The following NRXN3 variants were observed in gnomAD, a reference collection of about 807,000 sequenced individuals.
NRXN3 encodes the protein neurexin III.
In NRXN3, 32 loss-of-function variants were observed where a neutral mutation model predicts 137.6. The ratio of observed to expected loss-of-function variants is 0.23; its 90% confidence interval spans 0.18 to 0.31. NRXN3 has a LOEUF of 0.31. Ranked by LOEUF, NRXN3 falls within the 10% of genes least tolerant of loss-of-function variation. The pLI, the probability that NRXN3 is intolerant of heterozygous loss-of-function variation, is 1.00. For synonymous variants in NRXN3, 798 were observed against 784.5 expected, an observed-to-expected ratio of 1.02 and a Z score of -0.29; for missense variants, 1,574 against 2,062.5, an observed-to-expected ratio of 0.76 and a Z score of 4.59.
intron 19 of NRXN3, among the ~76,000 whole-genome samples, chr14:79,781,053 T>A (rs1194070382): frequency 2.0e-5 from 3 of 150,770 alleles, no homozygotes; most frequent in Non-Finnish European, 3.0e-5. Flanking sequence ...TTTTTTTTTT[T>A]AAATAATTAA....
At chr14:78,465,329 G>A (rs750617521) in intron 4 of NRXN3, among the ~76,000 whole-genome samples, 13 of 152,096 alleles carry the variant, frequency 8.5e-5, no homozygotes, top group Non-Finnish European at 1.5e-4. Flanking sequence ...AGATGGATTG[G>A]AATCAGAGCC....
At chr14:79,569,899 G>A (rs1453898415) in intron 16 of NRXN3, among the ~76,000 whole-genome samples, 2 of 152,104 alleles carry the variant, frequency 1.3e-5, no homozygotes, top group Admixed American at 6.6e-5. Context: ...GTGAGCCACT[G>A]TGCCTGGCCA....
At chr14:79,740,177 A>G (rs1291144959) in intron 19 of NRXN3, among the ~76,000 whole-genome samples, 4 of 152,026 alleles carry the variant, frequency 2.6e-5, no homozygotes, top group African/African-American at 9.7e-5. Context: ...CAGTCAACTG[A>G]CAGTACCAAT....
At chr14:78,718,700 T>C (rs28624283) in intron 8 of NRXN3, among the ~76,000 whole-genome samples, 1,610 of 152,326 alleles carry the variant, frequency 0.011, 16 homozygotes, top group East Asian at 0.06. Flanking sequence ...TTGATTGATA[T>C]TGTATTTAGA....
At chr14:78,618,572 T>C (rs2152493108) in intron 4 of NRXN3, among the ~76,000 whole-genome samples, 1 of 152,318 alleles carries the variant, frequency 6.6e-6, no homozygotes, top group South Asian at 2.1e-4. Flanking sequence ...ATGCTGACTC[T>C]GGAAGTGCAC....
chr14:79,432,223 T>G (rs1182301513), intron 15 of NRXN3, among the ~76,000 whole-genome samples: 2 of 152,170 alleles, frequency 1.3e-5, no homozygotes, highest in Non-Finnish European at 2.9e-5. Context: ...TGCCATATAT[T>G]TTTATATTTC....
chr14:78,915,619 C>G (rs1273450932), intron 10 of NRXN3, among the ~76,000 whole-genome samples: 2 of 152,044 alleles, frequency 1.3e-5, no homozygotes, highest in African/African-American at 2.4e-5. Context: ...GATAGGCAGA[C>G]AGGATTGCTT....
In NRXN3 at chr14:78,722,908, T is replaced by G. The variant is rs146865400; in HGVS notation, c.2044+7769T>G. 2.7e-3 allele frequency among the ~76,000 whole-genome samples: 410 copies of G among 152,034 alleles called. 3 individuals carry two copies. Among genetic ancestry groups the G allele is most frequent in the African/African-American group, 9.3e-3 (384 of 41,436 alleles). ...ACTAGAGCTGAGGCTTGGTGGAGAA[T>G]CAAAGATCTCCCCGGCAGACCAGGC... On this transcript the variant is annotated intron_variant, in intron 8 of 20. Coordinates refer to ENST00000335750, the MANE Select transcript of NRXN3 (RefSeq NM_001330195.2).
chr14:78,907,611 T>G (rs1046191557), intron 10 of NRXN3, among the ~76,000 whole-genome samples: 1 of 152,042 alleles, frequency 6.6e-6, no homozygotes, highest in Non-Finnish European at 1.5e-5. Flanking sequence ...ACCTTAAGAA[T>G]GTAGGCCATG....
intron 20 of NRXN3, among the ~76,000 whole-genome samples, chr14:79,837,987 G>A (rs2099347812): frequency 6.6e-6 from 1 of 152,078 alleles, no homozygotes; most frequent in East Asian, 1.9e-4. Context: ...GTAATGACCT[G>A]CCTCTATCAA....
chr14:78,520,413 C>T (rs2096269075), intron 4 of NRXN3, among the ~76,000 whole-genome samples: 1 of 152,060 alleles, frequency 6.6e-6, no homozygotes, highest in Admixed American at 6.6e-5. Context: ...AGCCTTTTAG[C>T]CCAGATCACA....
intron 4 of NRXN3, among the ~76,000 whole-genome samples, chr14:78,387,280 T>G (rs536446370): frequency 6.6e-6 from 1 of 152,344 alleles, no homozygotes; most frequent in East Asian, 1.9e-4. Context: ...CCAAAGTATT[T>G]GATTTTTTTG....
At chr14:78,668,905 G>A (rs1347416670) in intron 6 of NRXN3, among the ~76,000 whole-genome samples, 1 of 147,698 alleles carries the variant, frequency 6.8e-6, no homozygotes, top group African/African-American at 2.6e-5. Context: ...TAATTATAAT[G>A]CAACATATTA....
chr14:79,423,197 C>T (rs752593240), intron 15 of NRXN3, among the ~76,000 whole-genome samples: 1 of 152,164 alleles, frequency 6.6e-6, no homozygotes, highest in African/African-American at 2.4e-5. Flanking sequence ...ATTTAATGCT[C>T]TCCCATGTGT....
intron 19 of NRXN3, among the ~76,000 whole-genome samples, chr14:79,754,012 G>A (rs991375031): frequency 4.0e-5 from 6 of 151,864 alleles, no homozygotes; most frequent in Admixed American, 6.6e-5. Flanking sequence ...AAGTACATGG[G>A]AGAGTACTTT....
intron 6 of NRXN3, among the ~76,000 whole-genome samples, chr14:78,666,761 C>A (rs948935741): frequency 5.3e-5 from 8 of 152,084 alleles, no homozygotes; most frequent in African/African-American, 1.9e-4. Flanking sequence ...GTCTTTCCAC[C>A]TCTGTTCTCT....
intron 15 of NRXN3, among the ~76,000 whole-genome samples, chr14:79,039,742 G>A (rs887369350): frequency 2.0e-5 from 3 of 151,822 alleles, no homozygotes; most frequent in African/African-American, 4.8e-5. Flanking sequence ...GCTAGAGTGC[G>A]GTGGTGCAGT....
intron 19 of NRXN3, among the ~76,000 whole-genome samples, chr14:79,737,514 C>T (rs906255084): frequency 6.6e-6 from 1 of 152,004 alleles, no homozygotes; most frequent in African/African-American, 2.4e-5. Context: ...TATTGTTATT[C>T]CTGCCTAAGA....
chr14:78,416,137 G>C (rs2093124878), intron 4 of NRXN3, among the ~76,000 whole-genome samples: 1 of 152,150 alleles, frequency 6.6e-6, no homozygotes. Context: ...ACTTGAAGGG[G>C]AGGAGTGATT....
Sources: allele counts gnomAD v4.1 joint callset (sites outside exome capture counted in the v4.1 genomes callset), GRCh38; gene constraint gnomAD v4.1.1; transcripts MANE v1.5; gene names NCBI Gene and HGNC (gene_info 2026-07-23, HGNC 2026-07-21).